Variants in TMEM131L observed in about 807,000 individuals in gnomAD.
TMEM131L encodes the protein transmembrane protein 131-like.
TMEM131L carries 54 observed loss-of-function variants against 192.2 expected under a neutral mutation model. The observed-to-expected ratio is 0.28, with a 90% CI of 0.23 to 0.35. The LOEUF is 0.35. Ranked by LOEUF, TMEM131L falls within the 10% of genes least tolerant of loss-of-function variation. The pLI is 1.00. For synonymous variants in TMEM131L, 701 were observed against 704.9 expected, an observed-to-expected ratio of 0.99 and a Z score of 0.09; for missense variants, 1,888 against 1,972.9, an observed-to-expected ratio of 0.96 and a Z score of 0.82.
intron 3 of TMEM131L, among the ~76,000 whole-genome samples, chr4:153,544,675 G>GT (rs1197638315): frequency 6.6e-6 from 1 of 152,280 alleles, no homozygotes; most frequent in East Asian, 1.9e-4. Context: ...GTGTCCCTCC[G>GT]TGGTAGCTGC....
At chr4:153,617,997 G>A (rs1038497142) in intron 26 of TMEM131L, among the ~76,000 whole-genome samples, 6 of 151,456 alleles carry the variant, frequency 4.0e-5, no homozygotes, top group Admixed American at 4.0e-4. Flanking sequence ...CAAATATTGT[G>A]TATCAGAGAT....
chr4:153,623,429 C>T (rs896115244), intron 29 of TMEM131L, among the ~76,000 whole-genome samples: 3 of 152,204 alleles, frequency 2.0e-5, no homozygotes, highest in African/African-American at 7.2e-5. Flanking sequence ...TCACATTGTG[C>T]AGCCATCACA....
intron 21 of TMEM131L, among the ~76,000 whole-genome samples, chr4:153,600,035 G>A (rs911330063): frequency 7.2e-5 from 11 of 152,046 alleles, no homozygotes; most frequent in South Asian, 6.2e-4. Flanking sequence ...TGAAGACTTC[G>A]TCTCAAAAAA....
intron 5 of TMEM131L, among the ~76,000 whole-genome samples, chr4:153,556,512 TA>T (rs11316170): frequency 0.39 from 58,717 of 150,834 alleles, 14,827 homozygotes; most frequent in African/African-American, 0.72. Flanking sequence ...ATTATGTACT[TA>T]AAAAAAAAAC....
rs527733651 is a variant in TMEM131L at position 153,547,260 on chromosome 4, G to C, written c.240-2813G>C. 7.2e-5 allele frequency among the ~76,000 whole-genome samples: 11 copies of C among 152,314 alleles called. No homozygotes were observed. In the South Asian group the frequency reaches 2.3e-3, roughly 32 times the overall value. On this transcript the variant is annotated intron_variant, in intron 3 of 34. Coordinates refer to ENST00000409959, the MANE Select transcript of TMEM131L (RefSeq NM_001131007.2). ...ACTCTAGGTTTGGCCCTAAATGTCTGATTTTTATTGGGTATGTAAAACTTT... is the reference window on the plus strand; with the variant it reads ...ACTCTAGGTTTGGCCCTAAATGTCTCATTTTTATTGGGTATGTAAAACTTT...
At position 153,592,500 on chromosome 4, in the gene TMEM131L, C is replaced by T. The variant is rs1166328405; in HGVS notation, c.1838C>T (p.Pro613Leu). The T allele has an allele frequency of 4.3e-6, 7 of 1,613,960 alleles. No individual in the cohort carries two copies. The highest frequency in any genetic ancestry group is 1.7e-5 in the Admixed American group (1 of 59,994). ...RMIKYFVVQN[P>L]SSWPVSLQLL... ...ATCAAGTACTTTGTGGTGCAGAACC[C>T]GTCCTCTTGGCCGGTCTCCTTGCAG... Residue 613 changes from proline (P) to leucine (L), a missense_variant, in exon 18 of 35, where the codon CCG becomes CTG. Coordinates refer to ENST00000409959, the MANE Select transcript of TMEM131L (RefSeq NM_001131007.2).
chr4:153,499,203 G>A (rs978974003), intron 3 of TMEM131L, among the ~76,000 whole-genome samples: 1 of 152,194 alleles, frequency 6.6e-6, no homozygotes, highest in Admixed American at 6.5e-5. Context: ...TAACTTGTGA[G>A]CACTGGTTCT....
At chr4:153,525,442 C>T (rs537164790) in intron 3 of TMEM131L, among the ~76,000 whole-genome samples, 11 of 151,972 alleles carry the variant, frequency 7.2e-5, no homozygotes, top group African/African-American at 2.4e-4. Flanking sequence ...AAGGTTCAGG[C>T]GATTTTCGTG....
intron 18 of TMEM131L, 57 bp from the exon 19 acceptor site, chr4:153,593,742 T>G: frequency 8.8e-7 from 1 of 1,132,474 alleles, no homozygotes; most frequent in Non-Finnish European, 1.3e-6. Context: ...ACTTATTAAA[T>G]CTTTCTTTAC....
At chr4:153,610,832 C>T (rs1201483448) in intron 25 of TMEM131L, among the ~76,000 whole-genome samples, 1 of 152,176 alleles carries the variant, frequency 6.6e-6, no homozygotes, top group Non-Finnish European at 1.5e-5. Flanking sequence ...AGATGTCCAT[C>T]CTACCAGAGC....
chr4:153,533,054 T>G (rs1442200462), intron 3 of TMEM131L, among the ~76,000 whole-genome samples: 1 of 151,536 alleles, frequency 6.6e-6, no homozygotes, highest in South Asian at 2.1e-4. Flanking sequence ...GTTGGCGATC[T>G]TGGCTCACCA....
chr4:153,632,413 CT>C (rs1734274705), intron 31 of TMEM131L: 1 of 239,978 alleles, frequency 4.2e-6, no homozygotes, highest in African/African-American at 2.3e-5. Context: ...TTGAATGTAG[CT>C]TGTTCACTGC....
At chr4:153,469,899 C>T (rs1731032138) in intron 2 of TMEM131L, among the ~76,000 whole-genome samples, 1 of 152,006 alleles carries the variant, frequency 6.6e-6, no homozygotes, top group Non-Finnish European at 1.5e-5. Context: ...GCACTCCAGC[C>T]TGGGCAACAA....
At chr4:153,550,412 T>C (rs569752339) in intron 4 of TMEM131L, among the ~76,000 whole-genome samples, 47 of 152,196 alleles carry the variant, frequency 3.1e-4, no homozygotes, top group East Asian at 7.8e-4. Flanking sequence ...CTGCAAGCTC[T>C]GCCTCCCGGG....
At chr4:153,624,516 A>G (rs1355776080) in intron 29 of TMEM131L, among the ~76,000 whole-genome samples, 2 of 152,366 alleles carry the variant, frequency 1.3e-5, no homozygotes, top group South Asian at 4.1e-4. Context: ...TAACTTTAGT[A>G]AAAAGAAAGG....
chr4:153,518,312 G>A (rs1390171299), intron 3 of TMEM131L, among the ~76,000 whole-genome samples: 2 of 152,142 alleles, frequency 1.3e-5, no homozygotes, highest in African/African-American at 2.4e-5. Context: ...TGCGCATTTC[G>A]AAAGACAGTG....
intron 20 of TMEM131L, 88 bp from the exon 21 acceptor site, chr4:153,598,502 C>A: frequency 8.6e-7 from 1 of 1,160,820 alleles, no homozygotes; most frequent in South Asian, 1.5e-5. Context: ...TAAAAATATT[C>A]TTGATAACTG....
At chr4:153,546,108 C>T (rs1028639015) in intron 3 of TMEM131L, among the ~76,000 whole-genome samples, 2 of 151,964 alleles carry the variant, frequency 1.3e-5, no homozygotes, top group Non-Finnish European at 2.9e-5. Flanking sequence ...CCAGGCTGGT[C>T]TCGAACTCCT....
In TMEM131L at chr4:153,586,222, C is replaced by T. The variant is rs1213537364; in HGVS notation, c.1325C>T (p.Thr442Ile). 1 of 1,564,628 alleles carries T rather than the reference C, an allele frequency of 6.4e-7. No homozygotes were observed. The highest frequency in any genetic ancestry group is 1.7e-4 in the Middle Eastern group (1 of 5,902). Residue 442 changes from threonine (T) to isoleucine (I), a missense_variant, in exon 14 of 35, where the codon ACT (threonine) becomes ATT (isoleucine). Thr to Ile is a moderately conservative substitution (Grantham distance 89). Transcript: ENST00000409959. ...TKHMLKILNF[T>I]GPLFLPPGCW... ...TTTTCTTTTTAGATTCTGAATTTCACTGGCCCTTTATTTCTACCTCCAGGC... is the reference window on the plus strand; with the variant it reads ...TTTTCTTTTTAGATTCTGAATTTCATTGGCCCTTTATTTCTACCTCCAGGC...
Sources: gnomAD v4.1 joint callset for allele counts (sites outside exome capture counted in the v4.1 genomes callset) on GRCh38, gnomAD v4.1.1 for gene constraint, MANE v1.5 for transcripts, NCBI Gene and HGNC (gene_info 2026-07-23, HGNC 2026-07-21) for gene names.